The following IL16 variants were observed in gnomAD, a reference collection of about 807,000 sequenced individuals.
The protein encoded by IL16 is interleukin 16.
IL16 carries 67 observed loss-of-function variants against 110.1 expected under a neutral mutation model. The ratio of observed to expected loss-of-function variants is 0.61; its 90% CI spans 0.50 to 0.75. IL16 has a LOEUF of 0.75. Ranked by LOEUF, IL16 falls within the 30% of genes least tolerant of loss-of-function variation. The probability of loss-of-function intolerance (pLI) is 0.00; values close to 1 mark genes in which losing one functional copy is unlikely to be tolerated. For missense variants in IL16, 1,545 were observed against 1,655.0 expected (o/e 0.93, Z 1.15); for synonymous variants, 689 against 662.9 (o/e 1.04, Z -0.61).
chr15:81,217,157 A>G (rs1896463446), intron 1 of IL16, among the ~76,000 whole-genome samples: 1 of 152,164 alleles, frequency 6.6e-6, no homozygotes, highest in African/African-American at 2.4e-5. Context: ...GACTGATAGA[A>G]CAGATAGCCC....
At chr15:81,306,363 G>A in intron 17 of IL16, 57 bp from the exon 18 acceptor site, 1 of 1,601,622 alleles carries the variant, frequency 6.2e-7, no homozygotes, top group Non-Finnish European at 8.5e-7. Flanking sequence ...GAAGCCCAGG[G>A]CATCTGTGGC....
chr15:81,231,834 A>AT (rs770934788), intron 2 of IL16, among the ~76,000 whole-genome samples: 3 of 152,120 alleles, frequency 2.0e-5, no homozygotes, highest in Non-Finnish European at 4.4e-5. Context: ...AGTCAACACC[A>AT]TTTTTTGGAA....
Position 81,303,185 on chromosome 15 carries a change from G to GTTT in IL16, c.3319-354_3319-352dup. The GTTT allele has an allele frequency of 6.0e-6, 1 of 165,756 alleles. No homozygotes were observed. Among genetic ancestry groups the GTTT allele is most frequent in the Non-Finnish European group, 1.3e-5 (1 of 76,916 alleles). The allele number at this position is 165,756 out of a possible 1,614,324, so 10.3% of individuals were successfully genotyped here. The stretch of plus-strand genomic sequence containing the variant: ...ACTGACCCCTGTTTTGTTTTTTGTT[G>GTTT]TTTTTTTTTTTTGTTTTGTTTTACC... On this transcript the variant is annotated intron_variant, in intron 15 of 18. Coordinates refer to ENST00000683961, the MANE Select transcript of IL16 (RefSeq NM_172217.5). This position sits in a 1 kb window ranked among gnomAD's most constrained non-coding sequence, Gnocchi z 4.1.
chr15:81,305,916 A>C lies in IL16; in HGVS notation c.3429A>C (p.Arg1143Ser). The C allele has an allele frequency of 6.2e-7, 1 of 1,614,106 alleles. No homozygotes were observed. Among genetic ancestry groups the C allele is most frequent in the African/African-American group, 1.3e-5 (1 of 75,040 alleles). The part of the protein sequence containing the change: ...DLENKVITVH[R>S]VFPNGLASQE... ...TCCTTTGGTTTGCTCAGGTTCACAG[A>C]GTGTTTCCAAATGGGCTGGCCTCCC... The change falls in exon 17 of 19, where the codon AGA becomes AGC. Residue 1143 changes from arginine to serine, a missense_variant. By Grantham distance (110) the Arg-to-Ser change is moderately radical. This residue lies in a region of IL16 where 356 missense variants were observed against 399.3 expected (regional missense o/e 0.89). Coordinates refer to ENST00000683961, the MANE Select transcript of IL16 (RefSeq NM_172217.5).
chr15:81,236,046 C>T (rs1289474395), intron 2 of IL16, among the ~76,000 whole-genome samples: 1 of 152,206 alleles, frequency 6.6e-6, no homozygotes, highest in African/African-American at 2.4e-5. Context: ...GAATGACCTC[C>T]ATAGAGTGGA....
intron 8 of IL16, among the ~76,000 whole-genome samples, chr15:81,280,671 A>G (rs929224713): frequency 6.6e-6 from 1 of 152,224 alleles, no homozygotes; most frequent in Non-Finnish European, 1.5e-5. Flanking sequence ...GAAGGGAAGC[A>G]TACATAGTTA....
chr15:81,222,879 T>G (rs6495550), intron 1 of IL16, among the ~76,000 whole-genome samples: 58,900 of 151,744 alleles, frequency 0.39, 14,343 homozygotes, highest in East Asian at 0.7. Flanking sequence ...TAGCGACATT[T>G]GTGTGGAGAG....
chr15:81,307,545 G>T (rs1900635691), intron 18 of IL16, among the ~76,000 whole-genome samples: 1 of 152,236 alleles, frequency 6.6e-6, no homozygotes, highest in Admixed American at 6.5e-5. Flanking sequence ...TTCTGGGAAA[G>T]ATATTTCTAA....
At position 81,292,930 on chromosome 15, in the gene IL16, C is replaced by A. The variant is rs1417239475; in HGVS notation, c.1795C>A (p.Pro599Thr). Residue 599 changes from proline to threonine, a missense_variant, in exon 12 of 19, where the codon CCT becomes ACT. Pro to Thr is a conservative substitution (Grantham distance 38). Coordinates refer to ENST00000683961, the MANE Select transcript of IL16 (RefSeq NM_172217.5). ...AAAGCCTATGTCCTCCAAGCCCAAG[C>A]CTCCACCCAGAAAATACTTTAAAAG... ...VRKPMSSKPK[P>T]PPRKYFKSDS... The A allele has an allele frequency of 6.2e-7, 1 of 1,614,180 alleles. No homozygotes were observed. The highest frequency in any genetic ancestry group is 1.7e-5 in the Admixed American group (1 of 60,022).
At chr15:81,274,875 T>G (rs1898824524) in intron 6 of IL16, among the ~76,000 whole-genome samples, 1 of 152,126 alleles carries the variant, frequency 6.6e-6, no homozygotes, top group Non-Finnish European at 1.5e-5. Flanking sequence ...TTTGAAGGTT[T>G]TTATACTATG....
At chr15:81,238,896 T>C (rs761535554) in intron 2 of IL16, among the ~76,000 whole-genome samples, 3 of 151,652 alleles carry the variant, frequency 2.0e-5, no homozygotes, top group Non-Finnish European at 4.4e-5. Flanking sequence ...TCAATAGATA[T>C]AGGATTTATG....
At chr15:81,225,997 A>G (rs1896777686) in intron 2 of IL16, among the ~76,000 whole-genome samples, 1 of 152,172 alleles carries the variant, frequency 6.6e-6, no homozygotes, top group Non-Finnish European at 1.5e-5. Context: ...GCAGTAGTCA[A>G]TACACTGGGA....
intron 2 of IL16, among the ~76,000 whole-genome samples, chr15:81,245,830 T>A (rs572510386): frequency 2.7e-5 from 4 of 149,848 alleles, no homozygotes; most frequent in Admixed American, 6.7e-5. Context: ...GAAGTCATCT[T>A]GTCATTCCTT....
At chr15:81,281,325 T>G (rs1398235108) in intron 8 of IL16, among the ~76,000 whole-genome samples, 2 of 152,216 alleles carry the variant, frequency 1.3e-5, no homozygotes, top group African/African-American at 4.8e-5. Context: ...GCTCACTCCA[T>G]CTGGTCCTCC....
At chr15:81,224,644 A>G (rs1386985106) in intron 1 of IL16, among the ~76,000 whole-genome samples, 1 of 152,138 alleles carries the variant, frequency 6.6e-6, no homozygotes, top group African/African-American at 2.4e-5. Context: ...GCCAAGTGTC[A>G]CCTTCTTTTA....
intron 1 of IL16, among the ~76,000 whole-genome samples, chr15:81,207,535 G>C (rs899458791): frequency 7.0e-6 from 1 of 143,138 alleles, no homozygotes; most frequent in Non-Finnish European, 1.5e-5. Context: ...ACCCCCTCTA[G>C]TAGTCCATGG....
At chr15:81,245,248 T>G (rs1195839859) in intron 2 of IL16, among the ~76,000 whole-genome samples, 3 of 152,204 alleles carry the variant, frequency 2.0e-5, no homozygotes, top group African/African-American at 7.2e-5. Context: ...TAAAAATTGT[T>G]ATGAGGCCCT....
intron 1 of IL16, among the ~76,000 whole-genome samples, chr15:81,209,636 G>C (rs936115114): frequency 6.6e-6 from 1 of 152,110 alleles, no homozygotes. Context: ...AAGGTTCCAG[G>C]TCAGCAAGGC....
rs988769045 is a variant in IL16, at chr15:81,303,021, G to A, written c.3319-528G>A. Among the ~76,000 whole-genome samples, 14 of 119,172 alleles carry A rather than the reference G, an allele frequency of 1.2e-4. No individual in the cohort carries two copies. Among genetic ancestry groups the A allele is most frequent in the Non-Finnish European group, 1.9e-4 (11 of 56,934 alleles). 78.2% of individuals were successfully genotyped at this position (119,172 alleles called of 152,430 possible). ...GCTAGGAAGTACCGTAGTAATGTGT[G>A]TGTGTGTGTGTGTGTGTGTGTGTCA... On this transcript the variant is annotated intron_variant, in intron 15 of 18. Transcript: ENST00000683961. This position sits in a 1 kb window ranked among gnomAD's most constrained non-coding sequence, Gnocchi z 4.1.
Sources: gnomAD v4.1 joint callset for allele counts (sites outside exome capture counted in the v4.1 genomes callset) on GRCh38, gnomAD v4.1.1 for gene constraint, gnomAD v4.1.1 regional missense constraint, Gnocchi (gnomAD v3.1) non-coding constraint, MANE v1.5 for transcripts, NCBI Gene and HGNC (gene_info 2026-07-23, HGNC 2026-07-21) for gene names.